MYZAP: variants seen among roughly 807,000 people sequenced by gnomAD.
The protein encoded by MYZAP is myocardial zonula adherens protein, also known as GRINL1A complex locus upstream.
Under a neutral mutation model 69.4 loss-of-function variants are expected in MYZAP, and 66 were observed. That is an observed-to-expected ratio of 0.95 (90% confidence interval 0.78 to 1.17). The LOEUF is 1.17. MYZAP is among the 50% of genes most tolerant of loss of function. MYZAP has a pLI of 0.00. For missense variants in MYZAP, 611 were observed against 556.2 expected (o/e 1.10, Z -0.99); for synonymous variants, 256 against 205.9 (o/e 1.24, Z -2.09).
At chr15:57,664,617 T>G (rs1380010513) in intron 11 of MYZAP, among the ~76,000 whole-genome samples, 1 of 152,242 alleles carries the variant, frequency 6.6e-6, no homozygotes, top group African/African-American at 2.4e-5. Context: ...TACATGTTCT[T>G]TAGTTATTCT....
At chr15:57,602,947 C>T (rs1239967511) in intron 1 of MYZAP, among the ~76,000 whole-genome samples, 1 of 152,156 alleles carries the variant, frequency 6.6e-6, no homozygotes, top group African/African-American at 2.4e-5. Flanking sequence ...CCATTTTTCC[C>T]TCTGTTGAGT....
intron 2 of MYZAP, among the ~76,000 whole-genome samples, chr15:57,611,608 C>T (rs1462194822): frequency 6.6e-6 from 1 of 152,142 alleles, no homozygotes; most frequent in Admixed American, 6.5e-5. Flanking sequence ...CTCTTTGGGA[C>T]TTCTGCTTGG....
chr15:57,598,443 CT>C (rs1309441255), intron 1 of MYZAP, among the ~76,000 whole-genome samples: 59 of 152,306 alleles, frequency 3.9e-4, no homozygotes, highest in African/African-American at 1.3e-3. Context: ...AAACCCAACA[CT>C]GAGCGAGCGC....
intron 3 of MYZAP, 25 bp downstream of exon 3, chr15:57,618,213 C>A: frequency 6.2e-7 from 1 of 1,609,634 alleles, no homozygotes; most frequent in Non-Finnish European, 8.5e-7. Flanking sequence ...AGTTTTTGCC[C>A]CCCACCTGTA....
At chr15:57,642,730 A>C (rs2037231346) in intron 10 of MYZAP, among the ~76,000 whole-genome samples, 1 of 152,222 alleles carries the variant, frequency 6.6e-6, no homozygotes, top group African/African-American at 2.4e-5. Flanking sequence ...AATGTTAAGC[A>C]ACATGTTTCT....
chr15:57,633,838 C>A, intron 8 of MYZAP, 97 bp downstream of exon 8: 1 of 1,298,414 alleles, frequency 7.7e-7, no homozygotes, highest in Non-Finnish European at 9.9e-7. Flanking sequence ...TTCCTCTCAC[C>A]TCCAAAATTT....
At chr15:57,644,631 A>G (rs1466203295) in intron 10 of MYZAP, among the ~76,000 whole-genome samples, 1 of 151,854 alleles carries the variant, frequency 6.6e-6, no homozygotes, top group African/African-American at 2.4e-5. Flanking sequence ...TACTGTTATT[A>G]TTATTATTAT....
Position 57,679,359 on chromosome 15 carries a change from TG to T in MYZAP, c.1304+4292del, listed in dbSNP as rs1222931373. On this transcript the variant is annotated intron_variant, in intron 12 of 12. Transcript: ENST00000267853. ...ACCTCTTTGTGTGTGTGTGTGTGTG[TG>T]TGTGTGTGTGTGTGTTTCTCTCTCT... Among the ~76,000 whole-genome samples the T allele has an allele frequency of 2.4e-3, 95 of 39,772 alleles. 1 individual carries two copies. The highest frequency in any genetic ancestry group is 7.4e-3 in the African/African-American group (91 of 12,358). The allele number at this position is 39,772 out of a possible 152,430, so 26.1% of individuals were successfully genotyped here.
intron 11 of MYZAP, among the ~76,000 whole-genome samples, chr15:57,666,290 T>G (rs1459339172): frequency 2.0e-5 from 3 of 152,230 alleles, no homozygotes; most frequent in Non-Finnish European, 4.4e-5. Context: ...TGAAATCGTA[T>G]TAGGATCCTA....
At chr15:57,679,375 T>TATGTGTGTGTGTGTGTGTG (rs1555465672) in intron 12 of MYZAP, among the ~76,000 whole-genome samples, 1 of 115,010 alleles carries the variant, frequency 8.7e-6, no homozygotes, top group Non-Finnish European at 1.8e-5. Context: ...TGTGTGTGTG[T>TATGTGTGTGTGTGTGTGTG]TTCTCTCTCT....
At chr15:57,634,031 C>T (rs1376583321) in intron 8 of MYZAP, among the ~76,000 whole-genome samples, 1 of 152,122 alleles carries the variant, frequency 6.6e-6, no homozygotes, top group Non-Finnish European at 1.5e-5. Flanking sequence ...TTAGTTTATC[C>T]ATTGAATTAT....
intron 1 of MYZAP, among the ~76,000 whole-genome samples, chr15:57,597,122 C>T (rs1233126457): frequency 1.3e-5 from 2 of 152,074 alleles, no homozygotes; most frequent in African/African-American, 2.4e-5. Flanking sequence ...GGGCAGGAAA[C>T]GGGTGACAAA....
rs78167270 is a variant in MYZAP, at chr15:57,671,139, C to T, written c.1204-3829C>T. ...TGCAGGCCAGGTGGTAAAACATTCT[C>T]TTAGTTTTTCTTATCTGAAAGTAAG... On this transcript the variant is annotated intron_variant, in intron 11 of 12. Transcript: ENST00000267853. Among the ~76,000 whole-genome samples the T allele has an allele frequency of 1.1e-4, 16 of 152,160 alleles. 1 individual carries two copies. The East Asian group carries it at 2.9e-3, about 28-fold the overall frequency.
chr15:57,632,170 C>G (rs1272926872), intron 6 of MYZAP, among the ~76,000 whole-genome samples: 1 of 152,218 alleles, frequency 6.6e-6, no homozygotes, highest in East Asian at 1.9e-4. Flanking sequence ...AAGTTTCTAC[C>G]TTTTGAAAAA....
intron 2 of MYZAP, among the ~76,000 whole-genome samples, chr15:57,615,597 C>G (rs1251240686): frequency 6.6e-6 from 1 of 152,182 alleles, no homozygotes; most frequent in Admixed American, 6.5e-5. Context: ...TTTTTAGGAA[C>G]TGGGTGGAGT....
At chr15:57,629,550 T>C in intron 5 of MYZAP, 152 bp from the exon 6 acceptor site, 1 of 1,069,968 alleles carries the variant, frequency 9.3e-7, no homozygotes, top group Non-Finnish European at 1.3e-6. Flanking sequence ...AGACCCACAG[T>C]CCCTCACAGC....
intron 10 of MYZAP, among the ~76,000 whole-genome samples, chr15:57,658,452 T>C (rs922800948): frequency 2.0e-5 from 3 of 152,232 alleles, no homozygotes; most frequent in Non-Finnish European, 4.4e-5. Flanking sequence ...CCAATCAGCA[T>C]ACACTGTGTT....
chr15:57,614,497 G>A (rs2035308111), intron 2 of MYZAP, among the ~76,000 whole-genome samples: 2 of 152,232 alleles, frequency 1.3e-5, no homozygotes, highest in Admixed American at 6.5e-5. Context: ...TCTTGAGGAA[G>A]TGACATTTCA....
intron 1 of MYZAP, among the ~76,000 whole-genome samples, chr15:57,603,641 A>G (rs1230265525): frequency 6.6e-6 from 1 of 152,314 alleles, no homozygotes; most frequent in Non-Finnish European, 1.5e-5. Context: ...AGGTTTATCC[A>G]TGTTGTAGCA....
Sources: allele counts gnomAD v4.1 joint callset (sites outside exome capture counted in the v4.1 genomes callset), GRCh38; gene constraint gnomAD v4.1.1; transcripts MANE v1.5; gene names NCBI Gene and HGNC (gene_info 2026-07-23, HGNC 2026-07-21).